Variants in MTR observed in about 807,000 individuals in gnomAD.
MTR encodes 5-methyltetrahydrofolate-homocysteine methyltransferase, also known as methionine synthase.
Under a neutral mutation model 154.8 loss-of-function variants are expected in MTR, and 84 were observed. The observed-to-expected ratio is 0.54, with a 90% CI of 0.45 to 0.65. The LOEUF is 0.65. MTR is among the 30% of genes least tolerant of loss of function. The pLI, the probability that MTR is intolerant of heterozygous loss-of-function variation, is 0.00. For missense variants in MTR, 1,275 were observed against 1,570.2 expected (o/e 0.81, Z 3.18); for synonymous variants, 554 against 553.9 (o/e 1.00, Z 0.00).
intron 26 of MTR, among the ~76,000 whole-genome samples, chr1:236,885,506 A>G (rs1221396068): frequency 6.6e-6 from 1 of 152,206 alleles, no homozygotes; most frequent in Non-Finnish European, 1.5e-5. Context: ...TGAATAAAAC[A>G]TGAGTTCATA....
chr1:236,866,254 C>T (rs1664815321), intron 22 of MTR, among the ~76,000 whole-genome samples: 1 of 152,128 alleles, frequency 6.6e-6, no homozygotes, highest in East Asian at 1.9e-4. Context: ...TTTCCTAATT[C>T]TCACAATATT....
intron 6 of MTR, among the ~76,000 whole-genome samples, chr1:236,814,809 C>T (rs1482419744): frequency 2.0e-5 from 3 of 151,924 alleles, no homozygotes; most frequent in Non-Finnish European, 4.4e-5. Context: ...GTTTGTTTTC[C>T]GTAAGATCTT....
At chr1:236,824,295 T>A in intron 9 of MTR, 76 bp downstream of exon 9, 4 of 1,206,776 alleles carry the variant, frequency 3.3e-6, no homozygotes, top group Non-Finnish European at 4.9e-6. Context: ...TAAGAGATCT[T>A]GAATAAAAGA....
At chr1:236,853,773 T>G (rs929515157) in intron 18 of MTR, among the ~76,000 whole-genome samples, 1 of 152,204 alleles carries the variant, frequency 6.6e-6, no homozygotes, top group Admixed American at 6.5e-5. Flanking sequence ...GTTCTGCAGT[T>G]CAAGGCTTAG....
chr1:236,888,558 T>C (rs1319219352), intron 27 of MTR, among the ~76,000 whole-genome samples: 1 of 152,262 alleles, frequency 6.6e-6, no homozygotes, highest in Non-Finnish European at 1.5e-5. Flanking sequence ...ATTAATTGAA[T>C]CCATATTTCT....
intron 15 of MTR, among the ~76,000 whole-genome samples, chr1:236,844,529 A>G (rs1663458586): frequency 6.7e-6 from 1 of 149,410 alleles, no homozygotes. Flanking sequence ...ATGTTTTTGT[A>G]AGCTAATGAG....
At chr1:236,809,025 T>C (rs1661150223) in intron 4 of MTR, among the ~76,000 whole-genome samples, 1 of 152,232 alleles carries the variant, frequency 6.6e-6, no homozygotes, top group Admixed American at 6.5e-5. Context: ...TAGCCTGACT[T>C]TGTAGCTAGG....
chr1:236,874,499 A>C (rs1192247644), intron 23 of MTR, among the ~76,000 whole-genome samples: 2 of 151,512 alleles, frequency 1.3e-5, no homozygotes, highest in African/African-American at 4.9e-5. Flanking sequence ...TGAACCCAGG[A>C]GGCAAAGGTT....
rs1319791207 is a variant in MTR at position 236,795,350 on chromosome 1, C to T, written c.-354C>T. On this transcript the variant is annotated 5_prime_UTR_variant, in exon 1 of 33. It adds an upstream start codon to the 5' untranslated region. Coordinates refer to ENST00000366577, the MANE Select transcript of MTR (RefSeq NM_000254.3). ...CTGCGGGGCTCAGAGCCGGATGTCA[C>T]GTCGTCCTCCTCTGCCGGTTTTCTC... 2 of 1,333,316 alleles carry T rather than the reference C, an allele frequency of 1.5e-6. No individual in the cohort carries two copies. The highest frequency in any genetic ancestry group is 2.0e-4 in the Middle Eastern group (1 of 4,990). The allele number at this position is 1,333,316 out of a possible 1,614,324, so 82.6% of individuals were successfully genotyped here. A position where few individuals can be genotyped will look rare whatever the true frequency, so the allele number is the denominator to read the frequency against.
rs147198625 is a variant in MTR at position 236,891,057 on chromosome 1, T to C, written c.3008-76T>C. The C allele has an allele frequency of 7.3e-5, 111 of 1,511,624 alleles. No homozygotes were observed. The African/African-American group carries it at 1.3e-3, about 18-fold the overall frequency. 93.6% of individuals were successfully genotyped at this position (1,511,624 alleles called of 1,614,324 possible). ...AGGGAAGGTGACTGAGGAGGGGTAA[T>C]GGCTTTTAAAAGAAGCATTGTTTGA... On this transcript the variant is annotated intron_variant, in intron 28 of 32. Coordinates refer to ENST00000366577, the MANE Select transcript of MTR (RefSeq NM_000254.3).
intron 15 of MTR, 151 bp from the exon 16 acceptor site, chr1:236,850,193 A>G (rs565169244): frequency 5.2e-6 from 2 of 387,964 alleles, no homozygotes; most frequent in South Asian, 1.9e-4. Context: ...TTGACACTTG[A>G]GTGTTTTCAG....
At chr1:236,897,306 A>AAATGCGCGCGCGCG (rs1558350648) in intron 32 of MTR, among the ~76,000 whole-genome samples, 188 bp downstream of exon 32, 3 of 128,618 alleles carry the variant, frequency 2.3e-5, no homozygotes, top group African/African-American at 4.2e-5. Context: ...CAAGCCACAC[A>AAATGCGCGCGCGCG]CACGCACACA....
chr1:236,837,165 A>G (rs1381777795), intron 14 of MTR, among the ~76,000 whole-genome samples: 1 of 152,210 alleles, frequency 6.6e-6, no homozygotes, highest in African/African-American at 2.4e-5. Flanking sequence ...TCAGCAAGCA[A>G]ATACAAGCCG....
chr1:236,896,543 C>T (rs1666633223), intron 31 of MTR, among the ~76,000 whole-genome samples: 1 of 152,176 alleles, frequency 6.6e-6, no homozygotes, highest in African/African-American at 2.4e-5. Flanking sequence ...TCTCAGATCC[C>T]AAGGAAAACT....
chr1:236,818,027 T>C (rs1213187379), intron 8 of MTR, among the ~76,000 whole-genome samples: 3 of 152,194 alleles, frequency 2.0e-5, no homozygotes, highest in African/African-American at 2.4e-5. Context: ...AGACAAACTT[T>C]ATCTAGTTTA....
At chr1:236,826,578 G>C (rs2103105922) in intron 10 of MTR, among the ~76,000 whole-genome samples, 1 of 152,264 alleles carries the variant, frequency 6.6e-6, no homozygotes. Flanking sequence ...TTATAGGTGT[G>C]AGCCACCATA....
At position 236,895,672 on chromosome 1, in the gene MTR, T is replaced by TA. The variant is rs1666584751; in HGVS notation, c.3598+123dup. On this transcript the variant is annotated intron_variant, in intron 31 of 32. Coordinates refer to ENST00000366577, the MANE Select transcript of MTR (RefSeq NM_000254.3). ...AAGGGCTTCTAATCACATTGTCCCT[T>TA]ATGCTGTCCTTTTTCACTCGTAGCT... 38 of 991,956 alleles carry TA rather than the reference T, an allele frequency of 3.8e-5. No individual in the cohort carries two copies. The South Asian group carries it at 5.9e-4, about 15-fold the overall frequency. The allele number at this position is 991,956 out of a possible 1,614,324, so 61.4% of individuals were successfully genotyped here.
At chr1:236,835,205 C>T (rs1662837333) in intron 13 of MTR, among the ~76,000 whole-genome samples, 1 of 151,806 alleles carries the variant, frequency 6.6e-6, no homozygotes. Context: ...ACAGATTTGG[C>T]TGGGTGAAGG....
intron 8 of MTR, among the ~76,000 whole-genome samples, chr1:236,823,710 A>G (rs1417897099): frequency 6.7e-6 from 1 of 150,334 alleles, no homozygotes; most frequent in Non-Finnish European, 1.5e-5. Flanking sequence ...GTGGACTTCA[A>G]GAGTGGCTTC....
Sources: allele counts gnomAD v4.1 joint callset (sites outside exome capture counted in the v4.1 genomes callset), GRCh38; gene constraint gnomAD v4.1.1; transcripts MANE v1.5; gene names NCBI Gene and HGNC (gene_info 2026-07-23, HGNC 2026-07-21).